TG: variants seen among roughly 807,000 people sequenced by gnomAD.
TG encodes thyroglobulin.
TG carries 270 observed loss-of-function variants against 324.7 expected under a neutral mutation model. The ratio of observed to expected loss-of-function variants is 0.83; its 90% CI spans 0.75 to 0.92. TG has a LOEUF of 0.92. Ranked by LOEUF, TG falls within the 40% of genes least tolerant of loss-of-function variation. TG has a pLI of 0.00. For missense variants in TG, 3,591 were observed against 3,456.4 expected (o/e 1.04, Z -0.98); for synonymous variants, 1,401 against 1,327.0 (o/e 1.06, Z -1.21).
intron 9 of TG, 111 bp from the exon 10 acceptor site, chr8:132,887,873 A>C: frequency 1.9e-6 from 2 of 1,032,208 alleles, no homozygotes; most frequent in Non-Finnish European, 2.9e-6. Context: ...TGGTATTTCT[A>C]TGGCTATATA....
chr8:132,935,884 TG>T lies in TG; in HGVS notation c.5041+22del. 6.2e-7 allele frequency: 1 copy of T among 1,603,398 alleles called. No homozygotes were observed. The highest frequency in any genetic ancestry group is 8.5e-7 in the Non-Finnish European group (1 of 1,172,192). On this transcript the variant is annotated intron_variant, in intron 25 of 47. Coordinates refer to ENST00000220616, the MANE Select transcript of TG (RefSeq NM_003235.5). The stretch of plus-strand genomic sequence containing the variant: ...AAAAGGGTAGGTTGGTCAGGCTGGT[TG>T]GCTTAGGCCCGCGGTGGCTTCACAC...
At chr8:133,113,678 GA>G in intron 44 of TG, 75 bp downstream of exon 44, 13 of 1,537,862 alleles carry the variant, frequency 8.5e-6, no homozygotes, top group Non-Finnish European at 1.1e-5. Flanking sequence ...TTCAGGTCAT[GA>G]ATGAGAAATA....
At chr8:133,125,491 G>A (rs1056767757) in intron 45 of TG, among the ~76,000 whole-genome samples, 1 of 152,218 alleles carries the variant, frequency 6.6e-6, no homozygotes, top group Non-Finnish European at 1.5e-5. Context: ...GATAAAGAAG[G>A]CCAGGGAACT....
chr8:133,060,410 G>C, intron 41 of TG: 1 of 1,505,666 alleles, frequency 6.6e-7, no homozygotes, highest in Non-Finnish European at 8.8e-7. Flanking sequence ...AAAAACCACA[G>C]AGAGGGAAGT....
intron 14 of TG, among the ~76,000 whole-genome samples, 198 bp from the exon 15 acceptor site, chr8:132,900,039 G>A (rs1817689850): frequency 6.6e-6 from 1 of 152,184 alleles, no homozygotes; most frequent in Non-Finnish European, 1.5e-5. Flanking sequence ...GCCTCATGAG[G>A]CTGTTGTAGC....
At position 132,919,433 on chromosome 8, in the gene TG, G is replaced by A. The variant is rs766958097; in HGVS notation, c.4436G>A (p.Gly1479Glu). 2 of 1,614,150 alleles carry A rather than the reference G, an allele frequency of 1.2e-6. No homozygotes were observed. Among genetic ancestry groups the A allele is most frequent in the Admixed American group, 3.3e-5 (2 of 60,022 alleles). Residue 1479 changes from glycine (G) to glutamate (E), a missense_variant, in exon 21 of 48, where the codon GGA becomes GAA. By Grantham distance (98) the Gly-to-Glu change is moderately conservative. Transcript: ENST00000220616. ...QDEECIPCPVGFYQEQAGSLA... is the reference protein window; with the variant it reads ...QDEECIPCPVEFYQEQAGSLA... ...GAGGAATGCATTCCTTGTCCTGTTG[G>A]ATTCTACCAAGAACAGGCAGGGAGC...
intron 41 of TG, among the ~76,000 whole-genome samples, chr8:133,055,361 G>GCA (rs746605171): frequency 8.4e-5 from 11 of 131,654 alleles, no homozygotes; most frequent in African/African-American, 2.1e-4. Context: ...ACACACGCAC[G>GCA]CGCGCACACA....
At chr8:132,897,586 T>A (rs1051343124) in intron 11 of TG, 63 bp from the exon 12 acceptor site, 16 of 1,609,892 alleles carry the variant, frequency 9.9e-6, no homozygotes, top group African/African-American at 2.7e-5. Context: ...GTGGTTGTTC[T>A]CAGCTACAGA....
chr8:132,996,163 A>T (rs565578357), intron 35 of TG, among the ~76,000 whole-genome samples: 1 of 152,298 alleles, frequency 6.6e-6, no homozygotes, highest in East Asian at 1.9e-4. Context: ...AGCCCTCTGC[A>T]TGATAGTAAT....
At chr8:133,008,082 ATTC>A (rs1175594721) in intron 35 of TG, among the ~76,000 whole-genome samples, 1 of 152,240 alleles carries the variant, frequency 6.6e-6, no homozygotes, top group Admixed American at 6.5e-5. Context: ...ATCATATTCT[ATTC>A]TTAATGGCAT....
intron 43 of TG, among the ~76,000 whole-genome samples, chr8:133,109,270 T>C (rs1198983674): frequency 6.6e-6 from 1 of 152,206 alleles, no homozygotes; most frequent in Non-Finnish European, 1.5e-5. Flanking sequence ...TGCACGTTCC[T>C]GGGCTCCACT....
chr8:132,871,860 G>A (rs1839510776), intron 4 of TG, among the ~76,000 whole-genome samples: 2 of 152,184 alleles, frequency 1.3e-5, no homozygotes, highest in African/African-American at 4.8e-5. Context: ...ACAGCCATGT[G>A]CTGCATACGG....
At chr8:132,914,840 C>T (rs1820060486) in intron 20 of TG, among the ~76,000 whole-genome samples, 2 of 152,130 alleles carry the variant, frequency 1.3e-5, no homozygotes, top group African/African-American at 4.8e-5. Context: ...GATAGGGTTG[C>T]AGAGAGGGAG....
At chr8:133,038,211 C>A in intron 41 of TG, 1 of 373,534 alleles carries the variant, frequency 2.7e-6, no homozygotes, top group Non-Finnish European at 5.0e-6. Context: ...GGTGCCCTTT[C>A]TTGTGAGAGT....
chr8:133,081,658 C>A, intron 41 of TG, among the ~76,000 whole-genome samples: 1 of 152,202 alleles, frequency 6.6e-6, no homozygotes, highest in East Asian at 1.9e-4. Flanking sequence ...TATGTTGATT[C>A]GTTCAAGCTG....
rs1818095585 is a variant in TG, at chr8:132,902,656, CT to C, written c.3634+1104del. Among the ~76,000 whole-genome samples, 4 of 152,342 alleles carry C rather than the reference CT, an allele frequency of 2.6e-5. No individual in the cohort carries two copies. The South Asian group carries it at 8.3e-4, about 32-fold the overall frequency. On this transcript the variant is annotated intron_variant, in intron 16 of 47. Coordinates refer to ENST00000220616, the MANE Select transcript of TG (RefSeq NM_003235.5). The stretch of plus-strand genomic sequence containing the variant: ...ATATGTATGCATGCAACTGCCTGCC[CT>C]GTGCTTCTGAAATAGGGAGAGAAGT...
At chr8:132,956,669 C>G (rs1179635176) in intron 27 of TG, among the ~76,000 whole-genome samples, 2 of 152,208 alleles carry the variant, frequency 1.3e-5, no homozygotes, top group Admixed American at 1.3e-4. Flanking sequence ...GGCTGCTCAG[C>G]TGTCATGAGC....
chr8:133,052,645 C>CA (rs1840630422), intron 41 of TG, among the ~76,000 whole-genome samples: 2 of 152,170 alleles, frequency 1.3e-5, no homozygotes, highest in African/African-American at 4.8e-5. Context: ...AGTTTGAAGC[C>CA]AGAAGTCCCA....
chr8:133,111,925 A>C (rs1303337355), intron 43 of TG, among the ~76,000 whole-genome samples: 2 of 152,236 alleles, frequency 1.3e-5, no homozygotes, highest in Admixed American at 1.3e-4. Flanking sequence ...GTTAGTCCAC[A>C]GGGTGGTTCA....
Sources: gnomAD v4.1 joint callset for allele counts (sites outside exome capture counted in the v4.1 genomes callset) on GRCh38, gnomAD v4.1.1 for gene constraint, MANE v1.5 for transcripts, NCBI Gene and HGNC (gene_info 2026-07-23, HGNC 2026-07-21) for gene names.